PPP6R3: variants seen among roughly 807,000 people sequenced by gnomAD.
PPP6R3 encodes the protein serine/threonine-protein phosphatase 6 regulatory subunit 3.
PPP6R3 carries 38 observed loss-of-function variants against 110.7 expected under a neutral mutation model. The ratio of observed to expected loss-of-function variants is 0.34; its 90% CI spans 0.26 to 0.45. The LOEUF (loss-of-function observed/expected upper bound fraction) is 0.45, where lower values mean the gene tolerates loss of function less well. PPP6R3 is among the 20% of genes least tolerant of loss of function. The pLI is 1.00. For missense variants in PPP6R3, 870 were observed against 1,062.4 expected (o/e 0.82, Z 2.52); for synonymous variants, 369 against 373.5 (o/e 0.99, Z 0.14).
At chr11:68,576,138 T>C (rs1593429650) in intron 14 of PPP6R3, 95 bp downstream of exon 14, 2 of 868,678 alleles carry the variant, frequency 2.3e-6, no homozygotes, top group East Asian at 5.3e-5. Flanking sequence ...TTTACCTCAG[T>C]AACTGTGAGC....
intron 2 of PPP6R3, among the ~76,000 whole-genome samples, chr11:68,529,349 GC>G (rs1303612307): frequency 6.6e-6 from 1 of 152,088 alleles, no homozygotes; most frequent in African/African-American, 2.4e-5. Flanking sequence ...CTCCCAAGTA[GC>G]TGGGATTACA....
At chr11:68,539,995 G>GC (rs2099303041) in intron 3 of PPP6R3, among the ~76,000 whole-genome samples, 1 of 152,212 alleles carries the variant, frequency 6.6e-6, no homozygotes, top group South Asian at 2.1e-4. Flanking sequence ...TGCTTGGTGT[G>GC]CCCCAAGAAC....
At chr11:68,577,301 G>A (rs1298125926) in intron 14 of PPP6R3, among the ~76,000 whole-genome samples, 1 of 151,832 alleles carries the variant, frequency 6.6e-6, no homozygotes, top group Non-Finnish European at 1.5e-5. Flanking sequence ...GATAATCAGG[G>A]TTTTTTTTGT....
intron 2 of PPP6R3, among the ~76,000 whole-genome samples, chr11:68,529,282 A>G (rs1295620274): frequency 6.6e-6 from 1 of 152,116 alleles, no homozygotes; most frequent in Admixed American, 6.5e-5. Flanking sequence ...GCAGTGGCAC[A>G]ATCTCGGCTC....
chr11:68,487,414 C>T (rs2098954772), intron 1 of PPP6R3, among the ~76,000 whole-genome samples: 1 of 151,910 alleles, frequency 6.6e-6, no homozygotes, highest in Non-Finnish European at 1.5e-5. Context: ...ACTAAAAATA[C>T]AAAAATTAGC....
intron 1 of PPP6R3, among the ~76,000 whole-genome samples, chr11:68,473,428 C>T (rs1358042191): frequency 1.3e-5 from 2 of 152,234 alleles, no homozygotes; most frequent in Non-Finnish European, 1.5e-5. Context: ...GCGTATCTCT[C>T]CATCTGTATC....
chr11:68,558,378 G>T (rs2099407252), intron 7 of PPP6R3, 188 bp from the exon 8 acceptor site: 6 of 416,386 alleles, frequency 1.4e-5, no homozygotes, highest in South Asian at 1.3e-4. Context: ...TTGTGTGCGG[G>T]TGCATGTGTG....
At chr11:68,555,068 C>T (rs1043222157) in intron 7 of PPP6R3, among the ~76,000 whole-genome samples, 1 of 152,160 alleles carries the variant, frequency 6.6e-6, no homozygotes, top group Non-Finnish European at 1.5e-5. Context: ...GAATACATTA[C>T]AGACAAGTTA....
chr11:68,487,341 C>A (rs2098954035), intron 1 of PPP6R3, among the ~76,000 whole-genome samples: 1 of 92,172 alleles, frequency 1.1e-5, no homozygotes. Flanking sequence ...TCCCTTGAGC[C>A]CAGGAGTATG....
At chr11:68,529,951 C>T (rs2099227648) in intron 2 of PPP6R3, among the ~76,000 whole-genome samples, 1 of 152,122 alleles carries the variant, frequency 6.6e-6, no homozygotes, top group Admixed American at 6.5e-5. Flanking sequence ...AGTACAGCAA[C>T]CACTGGCCAT....
intron 1 of PPP6R3, among the ~76,000 whole-genome samples, chr11:68,487,526 C>T (rs973743329): frequency 5.3e-5 from 8 of 151,198 alleles, no homozygotes; most frequent in Non-Finnish European, 1.5e-5. Flanking sequence ...ATGTAGATTG[C>T]ACCACTGCAC....
intron 1 of PPP6R3, among the ~76,000 whole-genome samples, chr11:68,485,351 G>A (rs936493682): frequency 8.0e-6 from 1 of 125,296 alleles, no homozygotes; most frequent in Non-Finnish European, 1.7e-5. Context: ...TTTATTTTAT[G>A]CTTTCCAATC....
intron 4 of PPP6R3, among the ~76,000 whole-genome samples, 161 bp from the exon 5 acceptor site, chr11:68,547,906 G>A (rs2099355697): frequency 6.6e-6 from 1 of 152,134 alleles, no homozygotes; most frequent in South Asian, 2.1e-4. Context: ...GTAACTATTA[G>A]CCAGGCTTTC....
At chr11:68,521,705 C>T (rs2099165043) in intron 2 of PPP6R3, among the ~76,000 whole-genome samples, 1 of 151,616 alleles carries the variant, frequency 6.6e-6, no homozygotes, top group Non-Finnish European at 1.5e-5. Flanking sequence ...GGCCAAGAGG[C>T]AAAAAAGAGG....
At chr11:68,557,773 C>T (rs1459918516) in intron 7 of PPP6R3, among the ~76,000 whole-genome samples, 3 of 152,222 alleles carry the variant, frequency 2.0e-5, no homozygotes, top group Non-Finnish European at 4.4e-5. Context: ...CTGCCTCGGC[C>T]TCCCAAAGTG....
At position 68,539,990 on chromosome 11, in the gene PPP6R3, G is replaced by C. The variant is rs556297809; in HGVS notation, c.227+2099G>C. ...GAAGCACTAATGTGCTCATGTGCTT[G>C]GTGTGCCCCAAGAACATCTGGGCAG... On this transcript the variant is annotated intron_variant, in intron 3 of 23. Coordinates refer to ENST00000393800, the MANE Select transcript of PPP6R3 (RefSeq NM_001164161.2). 2.6e-5 allele frequency among the ~76,000 whole-genome samples: 4 copies of C among 152,332 alleles called. No individual in the cohort carries two copies. In the South Asian group the frequency reaches 8.3e-4, roughly 32 times the overall value.
At chr11:68,557,964 C>G (rs1217373659) in intron 7 of PPP6R3, among the ~76,000 whole-genome samples, 2 of 152,184 alleles carry the variant, frequency 1.3e-5, no homozygotes, top group Non-Finnish European at 2.9e-5. Flanking sequence ...TGGAAAGAGC[C>G]TGCAGATAAT....
intron 14 of PPP6R3, among the ~76,000 whole-genome samples, chr11:68,580,795 A>G (rs2099551154): frequency 2.1e-5 from 2 of 93,156 alleles, no homozygotes; most frequent in East Asian, 3.5e-4. Context: ...TTTTTGAGAC[A>G]GAGTCTTGCT....
intron 6 of PPP6R3, among the ~76,000 whole-genome samples, chr11:68,552,893 T>C (rs936255566): frequency 6.6e-6 from 1 of 152,242 alleles, no homozygotes; most frequent in Non-Finnish European, 1.5e-5. Context: ...AGAAGGACAC[T>C]GCATTGTGGA....
Sources: gnomAD v4.1 joint callset for allele counts (sites outside exome capture counted in the v4.1 genomes callset) on GRCh38, gnomAD v4.1.1 for gene constraint, MANE v1.5 for transcripts, NCBI Gene and HGNC (gene_info 2026-07-23, HGNC 2026-07-21) for gene names.